Variants in ATP13A4 observed in about 807,000 individuals in gnomAD.
ATP13A4 encodes probable cation-transporting ATPase 13A4.
A neutral mutation model predicts 142.5 loss-of-function variants in ATP13A4; 114 were observed. That is an observed-to-expected ratio of 0.80 (90% confidence interval 0.69 to 0.93). The LOEUF is 0.93. ATP13A4 is among the 40% of genes least tolerant of loss of function. ATP13A4 has a pLI of 0.00. For synonymous variants in ATP13A4, 488 were observed against 514.8 expected, an observed-to-expected ratio of 0.95 and a Z score of 0.70; for missense variants, 1,392 against 1,454.0, an observed-to-expected ratio of 0.96 and a Z score of 0.69.
intron 13 of ATP13A4, among the ~76,000 whole-genome samples, chr3:193,460,748 G>A (rs1194379166): frequency 3.3e-5 from 5 of 152,168 alleles, no homozygotes; most frequent in Admixed American, 1.3e-4. Context: ...TTCTGCATTC[G>A]AGAGGATTGG....
chr3:193,531,279 G>A (rs1020277337), intron 1 of ATP13A4, among the ~76,000 whole-genome samples: 8 of 110,034 alleles, frequency 7.3e-5, no homozygotes, highest in African/African-American at 2.9e-4. Context: ...AGTGAGGGAG[G>A]GAGGGAGGGA....
chr3:193,578,253 A>G (rs1170550253), intron 2 of ATP13A4, among the ~76,000 whole-genome samples: 7 of 152,112 alleles, frequency 4.6e-5, no homozygotes, highest in Admixed American at 1.3e-4. Flanking sequence ...AGATCACACC[A>G]TTGCACTCTA....
intron 2 of ATP13A4, among the ~76,000 whole-genome samples, chr3:193,575,578 C>G (rs1039717626): frequency 6.6e-6 from 1 of 152,122 alleles, no homozygotes; most frequent in African/African-American, 2.4e-5. Context: ...AACTGAAAGA[C>G]TTTTTAAAAA....
At chr3:193,476,477 G>A (rs969314440) in intron 8 of ATP13A4, among the ~76,000 whole-genome samples, 3 of 152,100 alleles carry the variant, frequency 2.0e-5, no homozygotes, top group African/African-American at 4.8e-5. Flanking sequence ...CGCATCCACA[G>A]TAATGTTGCT....
At chr3:193,503,042 G>C (rs750819165) in intron 2 of ATP13A4, among the ~76,000 whole-genome samples, 19 of 152,038 alleles carry the variant, frequency 1.2e-4, no homozygotes, top group African/African-American at 3.9e-4. Context: ...CGGGGCAGGG[G>C]GGGGAACTAT....
chr3:193,592,124 T>G (rs1724822928), intron 1 of ATP13A4, among the ~76,000 whole-genome samples: 2 of 118,300 alleles, frequency 1.7e-5, no homozygotes, highest in Admixed American at 2.2e-4. Context: ...TGTATTTGTG[T>G]ATGTGTGTGG....
intron 8 of ATP13A4, among the ~76,000 whole-genome samples, chr3:193,483,241 T>C (rs1440551380): frequency 1.3e-5 from 2 of 151,968 alleles, no homozygotes; most frequent in African/African-American, 4.8e-5. Flanking sequence ...AGCTGATAAA[T>C]GATTGCCTGA....
intron 18 of ATP13A4, among the ~76,000 whole-genome samples, chr3:193,446,347 T>C (rs1177087109): frequency 6.6e-6 from 1 of 152,228 alleles, no homozygotes; most frequent in Non-Finnish European, 1.5e-5. Flanking sequence ...GTGCTGTCCA[T>C]GTTTCTCCCA....
intron 25 of ATP13A4, chr3:193,416,894 A>G (rs915985617): frequency 6.6e-6 from 1 of 152,212 alleles, no homozygotes; most frequent in Non-Finnish European, 1.5e-5. Flanking sequence ...GTCAAACCCA[A>G]TGAGATTCAC....
intron 1 of ATP13A4, among the ~76,000 whole-genome samples, chr3:193,520,409 C>G (rs148594040): frequency 1.8e-3 from 275 of 152,322 alleles, no homozygotes; most frequent in African/African-American, 6.3e-3. Context: ...ATTTGCATTA[C>G]ATCAAGTTAA....
chr3:193,493,136 T>C lies in ATP13A4; in HGVS notation c.406A>G (p.Ile136Val), dbSNP rs1160989695. 6.2e-7 allele frequency: 1 copy of C among 1,612,988 alleles called. No individual in the cohort carries two copies. The highest frequency in any genetic ancestry group is 8.5e-7 in the Non-Finnish European group (1 of 1,179,642). Reference protein sequence around the residue: ...LKVRCIKVQKIRYVWNYLEGQ... With the variant: ...LKVRCIKVQKVRYVWNYLEGQ... ...TCTAAGTAGTTCCAAACATATCTTA[T>C]TTTCTGCACTTTGATGCATCTCACC... Residue 136 changes from isoleucine (I) to valine (V), a missense_variant, in exon 4 of 30, where the codon ATA becomes GTA. By Grantham distance (29) the Ile-to-Val change is conservative (BLOSUM62 3). Coordinates refer to ENST00000342695, the MANE Select transcript of ATP13A4 (RefSeq NM_032279.4).
rs980183611 is a variant in ATP13A4 at position 193,504,243 on chromosome 3, C to G, written c.235-1604G>C. Among the ~76,000 whole-genome samples, 7 of 152,046 alleles carry G rather than the reference C, an allele frequency of 4.6e-5. No individual in the cohort carries two copies. In the East Asian group the frequency reaches 1.4e-3, roughly 29 times the overall value. On this transcript the variant is annotated intron_variant, in intron 2 of 29. Transcript: ENST00000342695. ...TGAGCCTAAGAATGGTGGAAGGGAG[C>G]TAAATTTTCAATGACTAAGTCACCG... is the stretch of plus-strand genomic sequence containing the variant.
chr3:193,569,003 A>C (rs75013067), intron 2 of ATP13A4, among the ~76,000 whole-genome samples: 4,162 of 152,356 alleles, frequency 0.027, 74 homozygotes, highest in Middle Eastern at 0.041. Flanking sequence ...CACGCTTGCT[A>C]ACTGTGGGCT....
chr3:193,524,229 C>G (rs1476529910), intron 1 of ATP13A4, among the ~76,000 whole-genome samples: 3 of 152,190 alleles, frequency 2.0e-5, no homozygotes, highest in Admixed American at 6.5e-5. Context: ...GGTATGGGAA[C>G]CTCCCAACTT....
intron 8 of ATP13A4, among the ~76,000 whole-genome samples, chr3:193,476,773 G>A (rs1718987346): frequency 1.3e-5 from 2 of 151,904 alleles, no homozygotes; most frequent in African/African-American, 2.4e-5. Context: ...GAGGCCTGAG[G>A]AAAGAGAGAG....
At chr3:193,510,700 A>T (rs1301025600) in intron 2 of ATP13A4, among the ~76,000 whole-genome samples, 1 of 152,186 alleles carries the variant, frequency 6.6e-6, no homozygotes, top group Admixed American at 6.5e-5. Flanking sequence ...TGTACTGTAG[A>T]CTTTCAGTCA....
intron 17 of ATP13A4, among the ~76,000 whole-genome samples, chr3:193,449,035 A>G (rs1002529725): frequency 2.0e-5 from 3 of 152,238 alleles, no homozygotes; most frequent in Non-Finnish European, 4.4e-5. Flanking sequence ...AGGCAAGTCT[A>G]TAATCAATAT....
chr3:193,428,007 T>G (rs1715761015), intron 25 of ATP13A4, among the ~76,000 whole-genome samples: 1 of 152,120 alleles, frequency 6.6e-6, no homozygotes, highest in Non-Finnish European at 1.5e-5. Flanking sequence ...ACAGGCAACC[T>G]ATACAATGGG....
chr3:193,455,422 C>A (rs1435271492), intron 16 of ATP13A4, among the ~76,000 whole-genome samples: 3 of 151,276 alleles, frequency 2.0e-5, no homozygotes, highest in Admixed American at 6.6e-5. Flanking sequence ...AACAATCACA[C>A]ACACACACAA....
Sources: gnomAD v4.1 joint callset for allele counts (sites outside exome capture counted in the v4.1 genomes callset) on GRCh38, gnomAD v4.1.1 for gene constraint, MANE v1.5 for transcripts, NCBI Gene and HGNC (gene_info 2026-07-23, HGNC 2026-07-21) for gene names.